The following CADPS2 variants were observed in gnomAD, a reference collection of about 807,000 sequenced individuals.
CADPS2 encodes the protein calcium-dependent secretion activator 2.
A neutral mutation model predicts 172.5 loss-of-function variants in CADPS2; 93 were observed. The observed-to-expected ratio is 0.54, with a 90% confidence interval of 0.46 to 0.64. The LOEUF is 0.64. Ranked by LOEUF, CADPS2 falls within the 30% of genes least tolerant of loss-of-function variation. CADPS2 has a pLI of 0.00. For synonymous variants in CADPS2, 546 were observed against 555.2 expected, an observed-to-expected ratio of 0.98 and a Z score of 0.23; for missense variants, 1,420 against 1,565.9, an observed-to-expected ratio of 0.91 and a Z score of 1.57.
intron 8 of CADPS2, 146 bp downstream of exon 8, chr7:122,554,404 T>C: frequency 1.4e-6 from 1 of 738,540 alleles, no homozygotes; most frequent in Non-Finnish European, 2.1e-6. Context: ...TATAAAAACA[T>C]TGAGTAAGAT....
At chr7:122,851,637 C>T (rs532886950) in intron 1 of CADPS2, among the ~76,000 whole-genome samples, 33 of 152,198 alleles carry the variant, frequency 2.2e-4, no homozygotes, top group African/African-American at 8.0e-4. Flanking sequence ...GCTGGGGAGG[C>T]CACACAATCA....
chr7:122,437,513 A>T (rs1218501381), intron 17 of CADPS2, among the ~76,000 whole-genome samples: 4 of 152,152 alleles, frequency 2.6e-5, no homozygotes, highest in Non-Finnish European at 5.9e-5. Context: ...CTAAAATTTT[A>T]TAAAGGATTA....
At position 122,581,301 on chromosome 7, in the gene CADPS2, G is replaced by C. The variant is rs374834556; in HGVS notation, c.1224-11C>G. On this transcript the variant is annotated splice_polypyrimidine_tract_variant and intron_variant, in intron 6 of 29. Transcript: ENST00000449022. ...CCTTGAGTCCCCCATCTGTAATGAAGTAAAAAAAATGTTTCTTAAAATGCA... is the reference window on the plus strand; with the variant it reads ...CCTTGAGTCCCCCATCTGTAATGAACTAAAAAAAATGTTTCTTAAAATGCA... 2 of 1,601,700 alleles carry C rather than the reference G, an allele frequency of 1.2e-6. No individual in the cohort carries two copies. Among genetic ancestry groups the C allele is most frequent in the Admixed American group, 3.4e-5 (2 of 59,608 alleles).
intron 3 of CADPS2, among the ~76,000 whole-genome samples, chr7:122,632,110 G>A (rs192845942): frequency 1.3e-5 from 2 of 152,106 alleles, no homozygotes; most frequent in African/African-American, 4.8e-5. Context: ...CACCATTAAT[G>A]GGCACCTATG....
At chr7:122,811,735 A>C (rs2140170131) in intron 1 of CADPS2, among the ~76,000 whole-genome samples, 1 of 152,312 alleles carries the variant, frequency 6.6e-6, no homozygotes, top group Non-Finnish European at 1.5e-5. Context: ...ATTAGATAAA[A>C]GTACCTTGTT....
At chr7:122,660,015 G>A (rs1017841373) in intron 3 of CADPS2, among the ~76,000 whole-genome samples, 1 of 152,128 alleles carries the variant, frequency 6.6e-6, no homozygotes, top group Non-Finnish European at 1.5e-5. Context: ...GTTCTTCAGA[G>A]ATAAGGAAAA....
chr7:122,414,227 AGTC>A (rs2047630384), intron 18 of CADPS2, among the ~76,000 whole-genome samples, 151 bp from the exon 19 acceptor site: 1 of 152,208 alleles, frequency 6.6e-6, no homozygotes, highest in African/African-American at 2.4e-5. Context: ...TATTTAATAA[AGTC>A]AACTTTATTT....
At chr7:122,547,508 T>TA (rs1275002391) in intron 8 of CADPS2, among the ~76,000 whole-genome samples, 1 of 152,020 alleles carries the variant, frequency 6.6e-6, no homozygotes, top group Admixed American at 6.6e-5. Flanking sequence ...TATTCTTTTC[T>TA]AAAAAAAATT....
At chr7:122,647,242 G>A (rs1047024695) in intron 3 of CADPS2, among the ~76,000 whole-genome samples, 4 of 152,012 alleles carry the variant, frequency 2.6e-5, no homozygotes, top group South Asian at 2.1e-4. Context: ...ATCTAACTAA[G>A]AGCAAAATCC....
At position 122,480,902 on chromosome 7, in the gene CADPS2, T is replaced by C. The variant is rs1490442462; in HGVS notation, c.1853-42A>G. 4 of 1,485,472 alleles carry C rather than the reference T, an allele frequency of 2.7e-6. No homozygotes were observed. The East Asian group carries it at 7.5e-5, about 28-fold the overall frequency. The allele number at this position is 1,485,472 out of a possible 1,614,324, so 92.0% of individuals were successfully genotyped here. A position where few individuals can be genotyped will look rare whatever the true frequency, so the allele number is the denominator to read the frequency against. On this transcript the variant is annotated intron_variant, in intron 11 of 29. Transcript: ENST00000449022. Reference sequence around the variant, plus strand: ...AAATGAGAAACAAAGCATATTTAAATGGGTTGGGAACTATATACTTATACA... The same window carrying C: ...AAATGAGAAACAAAGCATATTTAAACGGGTTGGGAACTATATACTTATACA...
At chr7:122,610,269 A>G (rs2074127823) in intron 6 of CADPS2, among the ~76,000 whole-genome samples, 1 of 152,034 alleles carries the variant, frequency 6.6e-6, no homozygotes, top group African/African-American at 2.4e-5. Flanking sequence ...CCTTTCAAAT[A>G]CATTATGAAT....
At chr7:122,843,478 T>G (rs956421368) in intron 1 of CADPS2, among the ~76,000 whole-genome samples, 1 of 152,160 alleles carries the variant, frequency 6.6e-6, no homozygotes, top group Non-Finnish European at 1.5e-5. Flanking sequence ...AGGGGATATT[T>G]GAAACAAATA....
chr7:122,455,214 C>T (rs1191416600), intron 14 of CADPS2, among the ~76,000 whole-genome samples: 1 of 152,068 alleles, frequency 6.6e-6, no homozygotes, highest in Non-Finnish European at 1.5e-5. Flanking sequence ...AGTGCTGCTG[C>T]TTCTGCCTGA....
intron 2 of CADPS2, among the ~76,000 whole-genome samples, chr7:122,677,450 C>A (rs892523141): frequency 1.3e-5 from 2 of 152,102 alleles, no homozygotes; most frequent in Non-Finnish European, 2.9e-5. Flanking sequence ...CTGAGGAGGA[C>A]GGGTGGGCTT....
intron 14 of CADPS2, among the ~76,000 whole-genome samples, chr7:122,459,029 A>G (rs2054136147): frequency 6.6e-6 from 1 of 152,034 alleles, no homozygotes; most frequent in African/African-American, 2.4e-5. Flanking sequence ...TGAAAAATAA[A>G]GACCAAAATG....
chr7:122,612,754 T>C (rs748762239), intron 6 of CADPS2, among the ~76,000 whole-genome samples: 7 of 152,022 alleles, frequency 4.6e-5, no homozygotes, highest in Non-Finnish European at 8.8e-5. Context: ...AAAAGCAACA[T>C]AGGTGAAGGA....
At chr7:122,813,668 T>C (rs906058784) in intron 1 of CADPS2, among the ~76,000 whole-genome samples, 7 of 152,126 alleles carry the variant, frequency 4.6e-5, no homozygotes, top group African/African-American at 9.6e-5. Context: ...GACAATTTCA[T>C]TGCATAAAAA....
At chr7:122,665,957 G>A (rs1164457020) in intron 2 of CADPS2, among the ~76,000 whole-genome samples, 1 of 152,150 alleles carries the variant, frequency 6.6e-6, no homozygotes, top group Non-Finnish European at 1.5e-5. Flanking sequence ...ATGAAATTGA[G>A]ATGTTTAACA....
intron 17 of CADPS2, chr7:122,436,337 G>A: frequency 8.0e-7 from 1 of 1,255,036 alleles, no homozygotes; most frequent in East Asian, 5.9e-5. Context: ...ATAATGGCTT[G>A]TGCATGCAGA....
Sources: gnomAD v4.1 joint callset for allele counts (sites outside exome capture counted in the v4.1 genomes callset) on GRCh38, gnomAD v4.1.1 for gene constraint, MANE v1.5 for transcripts, NCBI Gene and HGNC (gene_info 2026-07-23, HGNC 2026-07-21) for gene names.